Variants in THSD7A observed in about 807,000 individuals in gnomAD.
THSD7A encodes the protein thrombospondin type 1 domain containing 7A.
THSD7A carries 96 observed loss-of-function variants against 231.3 expected under a neutral mutation model. The ratio of observed to expected loss-of-function variants is 0.41; its 90% CI spans 0.35 to 0.49. THSD7A has a LOEUF of 0.49. Ranked by LOEUF, THSD7A falls within the 20% of genes least tolerant of loss-of-function variation. The probability of loss-of-function intolerance (pLI) is 0.05; values close to 1 mark genes in which losing one functional copy is unlikely to be tolerated. For missense variants in THSD7A, 2,290 were observed against 2,070.2 expected (o/e 1.11, Z -2.06); for synonymous variants, 940 against 743.3 (o/e 1.26, Z -4.30).
At chr7:11,527,364 G>T (rs1171055521) in intron 6 of THSD7A, among the ~76,000 whole-genome samples, 1 of 151,876 alleles carries the variant, frequency 6.6e-6, no homozygotes, top group Non-Finnish European at 1.5e-5. Flanking sequence ...AAAAAAAAAG[G>T]AATCTTGAAA....
intron 11 of THSD7A, among the ~76,000 whole-genome samples, chr7:11,458,601 C>A (rs1408360150): frequency 1.3e-5 from 2 of 152,000 alleles, no homozygotes; most frequent in Admixed American, 6.6e-5. Context: ...TATGTAAGTA[C>A]AGGCAGAGAA....
intron 1 of THSD7A, among the ~76,000 whole-genome samples, chr7:11,693,053 T>C (rs765793548): frequency 6.6e-6 from 1 of 151,542 alleles, no homozygotes; most frequent in Non-Finnish European, 1.5e-5. Context: ...TTCCTCAGAG[T>C]TATTGACCTC....
intron 6 of THSD7A, among the ~76,000 whole-genome samples, chr7:11,488,867 C>G (rs1190135644): frequency 6.6e-6 from 1 of 152,072 alleles, no homozygotes; most frequent in Non-Finnish European, 1.5e-5. Flanking sequence ...CTTTTTCACT[C>G]CTCTGCCATT....
chr7:11,690,973 C>T (rs544425540), intron 1 of THSD7A, among the ~76,000 whole-genome samples: 70 of 151,554 alleles, frequency 4.6e-4, no homozygotes, highest in African/African-American at 1.6e-3. Flanking sequence ...AGCAATTGCT[C>T]ACTGTTTTTA....
At chr7:11,623,215 G>C (rs1027541073) in intron 2 of THSD7A, among the ~76,000 whole-genome samples, 1 of 152,148 alleles carries the variant, frequency 6.6e-6, no homozygotes, top group Non-Finnish European at 1.5e-5. Context: ...AAACAGATGA[G>C]GAAGTCTTTG....
In THSD7A at chr7:11,657,500, A is replaced by G. The variant is rs180886557; in HGVS notation, c.191-20539T>C. Among the ~76,000 whole-genome samples the G allele has an allele frequency of 2.6e-5, 4 of 151,894 alleles. No individual in the cohort carries two copies. The South Asian group carries it at 6.2e-4, about 24-fold the overall frequency. ...AAATCCTTGACTAATATACTCTTCA[A>G]TGCCTAACTATAGGTATATCCTGCT... On this transcript the variant is annotated intron_variant, in intron 1 of 27. Coordinates refer to ENST00000423059, the MANE Select transcript of THSD7A (RefSeq NM_015204.3).
chr7:11,406,202 G>A lies in THSD7A; in HGVS notation c.4237+98C>T. On this transcript the variant is annotated intron_variant, in intron 22 of 27. Transcript: ENST00000423059. This position sits in a 1 kb window ranked among gnomAD's most constrained non-coding sequence, Gnocchi z 4.7. ...ATAGATATTACTGAATAAGAAGACT[G>A]TTGACATCCTGTAACTTATACTTTA... The A allele has an allele frequency of 1.6e-6, 2 of 1,235,438 alleles. No individual in the cohort carries two copies. The highest frequency in any genetic ancestry group is 4.4e-4 in the Middle Eastern group (2 of 4,584). The allele number at this position is 1,235,438 out of a possible 1,614,324, so 76.5% of individuals were successfully genotyped here.
At chr7:11,498,832 G>C (rs1787215988) in intron 6 of THSD7A, among the ~76,000 whole-genome samples, 1 of 152,124 alleles carries the variant, frequency 6.6e-6, no homozygotes. Context: ...CCAGGTTCCA[G>C]AAAATCCGAG....
At chr7:11,380,035 G>C (rs965581807) in intron 24 of THSD7A, among the ~76,000 whole-genome samples, 4 of 152,146 alleles carry the variant, frequency 2.6e-5, no homozygotes, top group African/African-American at 9.6e-5. Flanking sequence ...ATGAATCCAA[G>C]TCCAGCAATT....
chr7:11,650,331 A>G (rs998020515), intron 1 of THSD7A, among the ~76,000 whole-genome samples: 61 of 152,026 alleles, frequency 4.0e-4, no homozygotes, highest in African/African-American at 1.4e-3. Context: ...ATGCAACAAT[A>G]ATTTCTGGAA....
chr7:11,581,586 G>A (rs1791168722), intron 4 of THSD7A, among the ~76,000 whole-genome samples: 2 of 151,976 alleles, frequency 1.3e-5, no homozygotes, highest in African/African-American at 2.4e-5. Context: ...TTTAGAAGTT[G>A]GCAATTGCTT....
chr7:11,505,225 GAAAAT>G (rs1787495479), intron 6 of THSD7A, among the ~76,000 whole-genome samples: 1 of 152,096 alleles, frequency 6.6e-6, no homozygotes, highest in African/African-American at 2.4e-5. Flanking sequence ...TTTGATAAAA[GAAAAT>G]AATAGTTTAA....
intron 1 of THSD7A, among the ~76,000 whole-genome samples, chr7:11,748,148 G>A (rs1035947491): frequency 2.6e-5 from 4 of 151,986 alleles, no homozygotes; most frequent in Non-Finnish European, 4.4e-5. Flanking sequence ...GCAACTGCAG[G>A]AGAGAATGTG....
intron 1 of THSD7A, among the ~76,000 whole-genome samples, chr7:11,773,299 C>T (rs550931094): frequency 3.9e-5 from 6 of 152,176 alleles, no homozygotes; most frequent in South Asian, 4.2e-4. Context: ...TTTGGGAGGC[C>T]GAGGCGGGCA....
chr7:11,739,692 T>C (rs1782040588), intron 1 of THSD7A, among the ~76,000 whole-genome samples: 1 of 151,904 alleles, frequency 6.6e-6, no homozygotes, highest in Admixed American at 6.6e-5. Flanking sequence ...GATGAGATTA[T>C]AGATAGGCAT....
At chr7:11,748,533 G>A (rs75957631) in intron 1 of THSD7A, among the ~76,000 whole-genome samples, 2 of 151,674 alleles carry the variant, frequency 1.3e-5, no homozygotes, top group Non-Finnish European at 2.9e-5. Context: ...TCAATATTTC[G>A]GTAATTTAAA....
Position 11,590,581 on chromosome 7 carries a change from C to T in THSD7A, c.1332G>A (p.Gln444=), listed in dbSNP as rs777352772. 1 of 1,613,814 alleles carries T rather than the reference C, an allele frequency of 6.2e-7. No homozygotes were observed. The highest frequency in any genetic ancestry group is 8.5e-7 in the Non-Finnish European group (1 of 1,179,794). ...CCGTCTGGTTGCCGCGCCTCTTGTC[C>T]TGCTGACTGAGCAAAGGGTCCACAC... The part of the protein sequence containing the change: ...ECRVDPLLSQ[Q]DKRRGNQTAL... Residue 444 remains glutamine (Q), a synonymous_variant, in exon 4 of 28, where the codon CAG becomes CAA. Coordinates refer to ENST00000423059, the MANE Select transcript of THSD7A (RefSeq NM_015204.3). This position sits in a 1 kb window ranked among gnomAD's most constrained non-coding sequence, Gnocchi z 4.4.
At chr7:11,538,133 T>C (rs546620695) in intron 6 of THSD7A, among the ~76,000 whole-genome samples, 161 of 152,332 alleles carry the variant, frequency 1.1e-3, no homozygotes, top group African/African-American at 3.6e-3. Flanking sequence ...CCTATGCCCA[T>C]GTCATTGGTT....
chr7:11,508,463 T>C (rs1787652094), intron 6 of THSD7A, among the ~76,000 whole-genome samples: 1 of 152,048 alleles, frequency 6.6e-6, no homozygotes, highest in Non-Finnish European at 1.5e-5. Context: ...GGTGAGAATA[T>C]GAAGAAATTA....
Sources: allele counts gnomAD v4.1 joint callset (sites outside exome capture counted in the v4.1 genomes callset), GRCh38; gene constraint gnomAD v4.1.1; non-coding constraint Gnocchi (gnomAD v3.1); transcripts MANE v1.5; gene names NCBI Gene and HGNC (gene_info 2026-07-23, HGNC 2026-07-21).